RMND1: variants seen among roughly 807,000 people sequenced by gnomAD.
RMND1 encodes required for meiotic nuclear division 1 homolog, also known as required for meiotic nuclear division protein 1 homolog.
A neutral mutation model predicts 54.0 loss-of-function variants in RMND1; 41 were observed. The observed-to-expected ratio is 0.76, with a 90% CI of 0.59 to 0.98. The LOEUF (loss-of-function observed/expected upper bound fraction) is 0.98. Ranked by LOEUF, RMND1 falls within the 50% of genes least tolerant of loss-of-function variation. The probability of loss-of-function intolerance (pLI) is 0.00; values close to 1 mark genes in which losing one functional copy is unlikely to be tolerated. For synonymous variants in RMND1, 183 were observed against 181.7 expected, an observed-to-expected ratio of 1.01 and a Z score of -0.06; for missense variants, 457 against 532.0, an observed-to-expected ratio of 0.86 and a Z score of 1.39.
chr6:151,410,359 C>G (rs1779793730), intron 10 of RMND1, among the ~76,000 whole-genome samples: 1 of 152,028 alleles, frequency 6.6e-6, no homozygotes, highest in Admixed American at 6.6e-5. Context: ...CCGGCCTGTT[C>G]CATCTGTTTT....
chr6:151,405,890 C>CA (rs570446184), intron 10 of RMND1, 54 bp from the exon 11 acceptor site: 1 of 927,100 alleles, frequency 1.1e-6, no homozygotes, highest in Non-Finnish European at 1.7e-6. Context: ...TACGGTCATA[C>CA]ACATAAAAAT....
chr6:151,411,691 A>G (rs887091506), intron 10 of RMND1: 4 of 152,176 alleles, frequency 2.6e-5, no homozygotes, highest in Non-Finnish European at 5.9e-5. Context: ...CCACCCAGGT[A>G]AAAGATCAGA....
At chr6:151,450,535 G>T (rs1227052726) in intron 1 of RMND1, among the ~76,000 whole-genome samples, 2 of 146,238 alleles carry the variant, frequency 1.4e-5, no homozygotes, top group Non-Finnish European at 3.0e-5. Flanking sequence ...GAGGTGGGGG[G>T]TCAGCCCCCC....
intron 11 of RMND1, among the ~76,000 whole-genome samples, 163 bp downstream of exon 11, chr6:151,405,557 A>T (rs1157292454): frequency 6.6e-6 from 1 of 152,246 alleles, no homozygotes; most frequent in Non-Finnish European, 1.5e-5. Flanking sequence ...CTTTTAATGC[A>T]TTTGCAAATA....
rs1160317578 is a variant in RMND1, at chr6:151,415,622, C to G, written c.1200+1657G>C. 6.8e-4 allele frequency among the ~76,000 whole-genome samples: 103 copies of G among 151,928 alleles called. 1 individual carries two copies. The highest frequency in any genetic ancestry group is 6.8e-3 in the Admixed American group (103 of 15,238). On this transcript the variant is annotated intron_variant, in intron 10 of 11. Transcript: ENST00000444024. ...GGCTAAACACAGTGAAACCCCATCT[C>G]TACTAAAAATACAAAAAAAAATTAG...
intron 2 of RMND1, among the ~76,000 whole-genome samples, chr6:151,440,022 T>C (rs1780730920): frequency 6.6e-6 from 1 of 152,152 alleles, no homozygotes. Flanking sequence ...AGTGGTGCGA[T>C]CTCAGCTCAC....
At position 151,405,819 on chromosome 6, in the gene RMND1, A is replaced by T; in HGVS notation, c.1218T>A (p.Leu406=). The T allele has an allele frequency of 6.2e-7, 1 of 1,607,044 alleles. No homozygotes were observed. The highest frequency in any genetic ancestry group is 8.5e-7 in the Non-Finnish European group (1 of 1,173,940). The change falls in exon 11 of 12, where the codon CTT becomes CTA. Residue 406 remains leucine (L), a synonymous_variant. Transcript: ENST00000444024. ...GRRVKVMNEK[L]QHCMELTDLM... is the part of the protein sequence containing the mutation. ...GATCTGTTAGTTCCATGCAGTGCTG[A>T]AGTTTTTCATTCATGACCTATGTAA...
At chr6:151,422,511 C>A in intron 8 of RMND1, 30 bp downstream of exon 8, 2 of 1,107,578 alleles carry the variant, frequency 1.8e-6, no homozygotes, top group South Asian at 1.6e-5. Context: ...AAAATCAATC[C>A]TTGAATAAGC....
At chr6:151,409,362 G>A (rs1247637152) in intron 10 of RMND1, among the ~76,000 whole-genome samples, 1 of 152,144 alleles carries the variant, frequency 6.6e-6, no homozygotes, top group East Asian at 1.9e-4. Context: ...GGAAGGTGAA[G>A]GAGAAAAAGG....
chr6:151,437,562 C>T (rs933007904), intron 2 of RMND1, among the ~76,000 whole-genome samples: 4 of 152,192 alleles, frequency 2.6e-5, no homozygotes, highest in African/African-American at 9.7e-5. Context: ...GTGCTCAGGA[C>T]TGTGGCTAAC....
intron 9 of RMND1, among the ~76,000 whole-genome samples, chr6:151,420,098 A>G (rs1018403628): frequency 1.3e-5 from 2 of 152,198 alleles, no homozygotes; most frequent in African/African-American, 4.8e-5. Context: ...GTAAGCCTTT[A>G]TAGAAACTAT....
chr6:151,417,656 GA>G (rs1436232430), intron 9 of RMND1, among the ~76,000 whole-genome samples: 1 of 151,460 alleles, frequency 6.6e-6, no homozygotes, highest in Non-Finnish European at 1.5e-5. Flanking sequence ...GCATGTGGCT[GA>G]AAACATTTGT....
At chr6:151,445,198 G>A in intron 2 of RMND1, 110 bp downstream of exon 2, 1 of 1,099,690 alleles carries the variant, frequency 9.1e-7, no homozygotes, top group Non-Finnish European at 1.3e-6. Flanking sequence ...GAAGAAGTCT[G>A]AGTGACTGCT....
chr6:151,417,557 T>C (rs1192417229), intron 9 of RMND1, among the ~76,000 whole-genome samples, 158 bp from the exon 10 acceptor site: 1 of 151,956 alleles, frequency 6.6e-6, no homozygotes, highest in Non-Finnish European at 1.5e-5. Flanking sequence ...AGTGGTGTGA[T>C]CACAACTCAC....
intron 9 of RMND1, 77 bp downstream of exon 9, chr6:151,421,168 T>G (rs924940390): frequency 1.9e-6 from 2 of 1,059,200 alleles, no homozygotes; most frequent in African/African-American, 3.2e-5. Flanking sequence ...TGTTTGCTCT[T>G]CACCACAGAA....
At chr6:151,405,863 G>C in intron 10 of RMND1, 27 bp from the exon 11 acceptor site, 2 of 1,203,800 alleles carry the variant, frequency 1.7e-6, no homozygotes, top group Non-Finnish European at 2.5e-6. Flanking sequence ...TCAGTAACAT[G>C]TATTTAAACA....
intron 2 of RMND1, chr6:151,444,492 T>C (rs1273433000): frequency 1.3e-5 from 2 of 152,080 alleles, no homozygotes; most frequent in African/African-American, 4.8e-5. Flanking sequence ...AGCTGCACAG[T>C]AATAAAAACA....
intron 9 of RMND1, 50 bp from the exon 10 acceptor site, chr6:151,417,449 T>A (rs1158898674): frequency 7.0e-7 from 1 of 1,421,438 alleles, no homozygotes. Context: ...TTAAAAATCA[T>A]TGTTTCTATT....
At position 151,407,108 on chromosome 6, in the gene RMND1, C is replaced by G. The variant is rs146493135; in HGVS notation, c.1201-1272G>C. On this transcript the variant is annotated intron_variant, in intron 10 of 11. Transcript: ENST00000444024. ...GGTCAAGGCTGCAATGAGCCAAGAT[C>G]ATGCCACTGCACTCCAGCCTGGGTG... 3.4e-4 allele frequency among the ~76,000 whole-genome samples: 52 copies of G among 151,924 alleles called. 1 individual carries two copies. The highest frequency in any genetic ancestry group is 3.4e-3 in the Admixed American group (52 of 15,246).
Sources: allele counts gnomAD v4.1 joint callset (sites outside exome capture counted in the v4.1 genomes callset), GRCh38; gene constraint gnomAD v4.1.1; transcripts MANE v1.5; gene names NCBI Gene and HGNC (gene_info 2026-07-23, HGNC 2026-07-21).